SUGCT: variants seen among roughly 807,000 people sequenced by gnomAD.
SUGCT encodes succinyl-CoA:glutarate CoA-transferase.
In SUGCT, 41 loss-of-function variants were observed where a neutral mutation model predicts 55.0. The ratio of observed to expected loss-of-function variants is 0.74; its 90% CI spans 0.58 to 0.97. The LOEUF is 0.97. Ranked by LOEUF, SUGCT falls within the 50% of genes least tolerant of loss-of-function variation. The pLI is 0.00. For missense variants in SUGCT, 568 were observed against 547.8 expected (o/e 1.04, Z -0.37); for synonymous variants, 187 against 200.4 (o/e 0.93, Z 0.56).
At chr7:40,939,494 T>A in the SUGCT span, among the ~76,000 whole-genome samples, 1 of 152,170 alleles carries the variant, frequency 6.6e-6, no homozygotes, top group African/African-American at 2.4e-5. Flanking sequence ...AAGGGTGCAC[T>A]GATTTATATT....
chr7:40,334,098 A>T (rs933655316), intron 9 of SUGCT, among the ~76,000 whole-genome samples: 1 of 151,950 alleles, frequency 6.6e-6, no homozygotes, highest in Non-Finnish European at 1.5e-5. Flanking sequence ...TTTTTTATGG[A>T]TGCATAGTAT....
At chr7:40,245,448 T>A (rs1273696533) in intron 7 of SUGCT, among the ~76,000 whole-genome samples, 2 of 98,996 alleles carry the variant, frequency 2.0e-5, no homozygotes, top group South Asian at 3.4e-4. Context: ...TTTTTTTTTT[T>A]TTTTTTTTTG....
intron 9 of SUGCT, among the ~76,000 whole-genome samples, chr7:40,448,877 T>C (rs1359461493): frequency 6.6e-6 from 1 of 151,810 alleles, no homozygotes; most frequent in Non-Finnish European, 1.5e-5. Flanking sequence ...CACACTCATA[T>C]ATACATACAT....
chr7:40,513,950 C>T (rs535723206), intron 12 of SUGCT, among the ~76,000 whole-genome samples: 8 of 151,818 alleles, frequency 5.3e-5, no homozygotes, highest in Middle Eastern at 3.4e-3. Context: ...CCACCATGCC[C>T]GGCTAATTTT....
At chr7:40,950,364 G>A in the SUGCT span, among the ~76,000 whole-genome samples, 3 of 152,278 alleles carry the variant, frequency 2.0e-5, no homozygotes, top group South Asian at 2.1e-4. Context: ...GGGCTGAGAC[G>A]ATGGGGTTTT....
chr7:40,854,419 C>CTTT (rs200586474), intron 13 of SUGCT, among the ~76,000 whole-genome samples: 2,857 of 88,554 alleles, frequency 0.032, 110 homozygotes, highest in East Asian at 0.091. Flanking sequence ...TTCTTTCTTT[C>CTTT]CTTTCTTTCT....
chr7:40,849,223 A>G (rs971721032), intron 13 of SUGCT, among the ~76,000 whole-genome samples: 2 of 152,194 alleles, frequency 1.3e-5, no homozygotes, highest in African/African-American at 2.4e-5. Flanking sequence ...GATGATACCC[A>G]TGTCAGAAAT....
the SUGCT span, among the ~76,000 whole-genome samples, chr7:40,893,006 A>G: frequency 6.6e-6 from 1 of 152,172 alleles, no homozygotes; most frequent in African/African-American, 2.4e-5. Flanking sequence ...ACCAAAAGGG[A>G]GCAGGAGTGG....
At chr7:40,336,911 C>G (rs923680667) in intron 9 of SUGCT, among the ~76,000 whole-genome samples, 3 of 152,210 alleles carry the variant, frequency 2.0e-5, no homozygotes, top group African/African-American at 7.2e-5. Flanking sequence ...CCTCTACACA[C>G]AGCTTTAAAT....
chr7:40,202,556 G>GT (rs1316660880), intron 6 of SUGCT, among the ~76,000 whole-genome samples: 1 of 152,016 alleles, frequency 6.6e-6, no homozygotes, highest in African/African-American at 2.4e-5. Flanking sequence ...GCTATTTGTG[G>GT]TTTTTTTCAG....
At chr7:40,919,453 A>G in the SUGCT span, among the ~76,000 whole-genome samples, 1 of 152,298 alleles carries the variant, frequency 6.6e-6, no homozygotes, top group East Asian at 1.9e-4. Context: ...TACCTCCTAA[A>G]TGACCCCAAA....
At chr7:40,392,326 A>G (rs1785482022) in intron 9 of SUGCT, among the ~76,000 whole-genome samples, 1 of 152,190 alleles carries the variant, frequency 6.6e-6, no homozygotes, top group Non-Finnish European at 1.5e-5. Context: ...AATACAAATT[A>G]GATATAGAGA....
chr7:40,784,757 G>GA (rs1789933321), intron 13 of SUGCT, among the ~76,000 whole-genome samples: 1 of 152,080 alleles, frequency 6.6e-6, no homozygotes, highest in African/African-American at 2.4e-5. Context: ...AGAAAATACT[G>GA]AAAAAAGAGT....
chr7:40,256,726 C>T (rs1790833438), intron 7 of SUGCT, among the ~76,000 whole-genome samples: 1 of 152,010 alleles, frequency 6.6e-6, no homozygotes, highest in African/African-American at 2.4e-5. Flanking sequence ...ATTTGGAATA[C>T]ATAATTTTTT....
chr7:40,835,243 A>G (rs1176510748), intron 13 of SUGCT, among the ~76,000 whole-genome samples: 1 of 152,190 alleles, frequency 6.6e-6, no homozygotes, highest in African/African-American at 2.4e-5. Flanking sequence ...CACCTTACTG[A>G]CAGCTTGGAA....
intron 6 of SUGCT, among the ~76,000 whole-genome samples, chr7:40,214,658 G>A (rs1686988182): frequency 1.3e-5 from 2 of 152,150 alleles, no homozygotes; most frequent in Non-Finnish European, 2.9e-5. Flanking sequence ...GCTCATGCCT[G>A]TAATCCGAGC....
intron 9 of SUGCT, among the ~76,000 whole-genome samples, chr7:40,318,348 T>C (rs1795545481): frequency 7.8e-6 from 1 of 127,862 alleles, no homozygotes; most frequent in Non-Finnish European, 1.6e-5. Flanking sequence ...TCATTGATAA[T>C]GGAGGTCTTT....
At chr7:40,520,398 GT>G (rs1210639656) in intron 12 of SUGCT, among the ~76,000 whole-genome samples, 4 of 152,108 alleles carry the variant, frequency 2.6e-5, no homozygotes, top group Non-Finnish European at 4.4e-5. Context: ...TCTAGAGTAA[GT>G]CTGCCCGTGA....
intron 12 of SUGCT, among the ~76,000 whole-genome samples, chr7:40,686,749 A>G (rs1784486196): frequency 6.6e-6 from 1 of 152,198 alleles, no homozygotes; most frequent in Non-Finnish European, 1.5e-5. Flanking sequence ...CAGTCAGGGA[A>G]GGAGGATAGG....
Sources: allele counts gnomAD v4.1 joint callset (sites outside exome capture counted in the v4.1 genomes callset), GRCh38; gene constraint gnomAD v4.1.1; transcripts MANE v1.5; gene names NCBI Gene and HGNC (gene_info 2026-07-23, HGNC 2026-07-21).